The following RGS3 variants were observed in gnomAD, a reference collection of about 807,000 sequenced individuals.
The protein encoded by RGS3 is regulator of G protein signaling 3, also known as regulator of G-protein signalling 3.
In RGS3, 80 loss-of-function variants were observed where a neutral mutation model predicts 132.6. The observed-to-expected ratio is 0.60, with a 90% CI of 0.50 to 0.73. RGS3 has a LOEUF of 0.73. RGS3 is among the 30% of genes least tolerant of loss of function. The probability of loss-of-function intolerance (pLI) is 0.00; values close to 1 mark genes in which losing one functional copy is unlikely to be tolerated. For missense variants in RGS3, 1,382 were observed against 1,530.8 expected (o/e 0.90, Z 1.62); for synonymous variants, 598 against 620.6 (o/e 0.96, Z 0.54).
chr9:113,584,435 A>G lies in RGS3; in HGVS notation c.3015+8A>G, dbSNP rs1835015916. The stretch of plus-strand genomic sequence containing the variant: ...TTCACAGGACACAGGAAGGTGAGAA[A>G]GCTAAAGGGGGAGGGAGAAGGATAC... On this transcript the variant is annotated splice_region_variant and intron_variant, in intron 20 of 24. Coordinates refer to ENST00000350696, the Ensembl canonical transcript of RGS3. 6 of 1,504,612 alleles carry G rather than the reference A, an allele frequency of 4.0e-6. No homozygotes were observed. The East Asian group carries it at 1.4e-4, about 34-fold the overall frequency. 93.2% of individuals were successfully genotyped at this position (1,504,612 alleles called of 1,614,324 possible).
intron 18 of RGS3, among the ~76,000 whole-genome samples, chr9:113,532,878 C>T (rs1374151307): frequency 6.6e-6 from 1 of 152,150 alleles, no homozygotes; most frequent in African/African-American, 2.4e-5. Flanking sequence ...AAGCTGCCAG[C>T]GAACTCTGCA....
intron 10 of RGS3, 30 bp downstream of exon 8, chr9:113,498,110 C>T (rs766618095): frequency 1.9e-6 from 3 of 1,608,228 alleles, no homozygotes; most frequent in South Asian, 1.1e-5. Flanking sequence ...GGCATTGCTC[C>T]AGGAGCTGGA....
chr9:113,510,854 A>C (rs1416789457), intron 14 of RGS3, among the ~76,000 whole-genome samples: 2 of 152,204 alleles, frequency 1.3e-5, no homozygotes, highest in African/African-American at 4.8e-5. Context: ...ACCAGGGATC[A>C]AGTCTTTGTA....
intron 17 of RGS3, among the ~76,000 whole-genome samples, chr9:113,524,347 C>T (rs976575091): frequency 1.3e-5 from 2 of 152,204 alleles, no homozygotes; most frequent in African/African-American, 4.8e-5. Context: ...CCCAGACAGT[C>T]TAGGACCCCA....
At chr9:113,578,032 T>C (rs1834612664) in intron 19 of RGS3, among the ~76,000 whole-genome samples, 1 of 152,240 alleles carries the variant, frequency 6.6e-6, no homozygotes, top group Non-Finnish European at 1.5e-5. Flanking sequence ...GCATCTCAAC[T>C]CAGGAAAGCG....
At chr9:113,543,437 G>GC (rs925718268) in intron 19 of RGS3, among the ~76,000 whole-genome samples, 15 of 152,328 alleles carry the variant, frequency 9.8e-5, no homozygotes, top group African/African-American at 3.6e-4. Context: ...CCAGACCAAT[G>GC]CCCCCCACCC....
intron 4 of RGS3, among the ~76,000 whole-genome samples, chr9:113,481,327 GGT>G (rs1308605995): frequency 6.6e-6 from 1 of 152,224 alleles, no homozygotes. Context: ...GACTGGGTGT[GGT>G]TCATTGTCAC....
At chr9:113,545,759 C>T (rs1833087044) in intron 19 of RGS3, among the ~76,000 whole-genome samples, 1 of 152,190 alleles carries the variant, frequency 6.6e-6, no homozygotes, top group African/African-American at 2.4e-5. Flanking sequence ...CAGGGTCAAG[C>T]TTTTTACCTA....
rs1389468293 is a variant in RGS3, at chr9:113,537,539, C to T, written c.2037+621C>T. ...TAGGAGCTGGACCACACAGCCTTCC[C>T]CTTTGACACTCCGATGCCAGCCACA... On this transcript the variant is annotated intron_variant, in intron 19 of 24. Transcript: ENST00000350696. This position sits in a 1 kb window ranked among gnomAD's most constrained non-coding sequence, Gnocchi z 4.3. 6.6e-6 allele frequency among the ~76,000 whole-genome samples: 1 copy of T among 152,154 alleles called. No individual in the cohort carries two copies. Among genetic ancestry groups the T allele is most frequent in the Non-Finnish European group, 1.5e-5 (1 of 68,040 alleles).
At chr9:113,514,590 A>G (rs759879702) in exon 15 of RGS3, 1 of 1,614,024 alleles carries the variant, frequency 6.2e-7, no homozygotes, top group Non-Finnish European at 8.5e-7. Flanking sequence ...CATGCCACGC[A>G]CTCAAGCTAT....
chr9:113,578,216 T>C (rs1461760637), intron 19 of RGS3, among the ~76,000 whole-genome samples: 4 of 151,708 alleles, frequency 2.6e-5, no homozygotes, highest in Non-Finnish European at 4.4e-5. Context: ...GGAGAAGGGG[T>C]GAAATTCAGG....
intron 19 of RGS3, among the ~76,000 whole-genome samples, chr9:113,573,537 C>G (rs1834379348): frequency 6.6e-6 from 1 of 152,236 alleles, no homozygotes; most frequent in Admixed American, 6.5e-5. Context: ...AGGCTGACCT[C>G]ATGACTGCAG....
At chr9:113,569,587 TTCCTTCCTTCCTTCCTTCCTTCC>T (rs1834181009) in intron 19 of RGS3, among the ~76,000 whole-genome samples, 2 of 126,652 alleles carry the variant, frequency 1.6e-5, no homozygotes, top group South Asian at 2.9e-4. Context: ...CTTTCCTTCC[TTCCTTCCTTCCTTCCTTCCTTCC>T]TTCCTTCCTT....
chr9:113,553,057 C>G (rs555226242), intron 19 of RGS3, among the ~76,000 whole-genome samples: 27 of 152,052 alleles, frequency 1.8e-4, no homozygotes, highest in Non-Finnish European at 5.9e-5. Flanking sequence ...TGTGGTTCCT[C>G]CAAATTTTCC....
chr9:113,583,541 C>G, exon 20 of RGS3: 1 of 1,614,168 alleles, frequency 6.2e-7, no homozygotes, highest in African/African-American at 1.3e-5. Context: ...AGCAAGGAGC[C>G]CTCTCCTGGC....
chr9:113,463,921 CCTG>C lies in RGS3; in HGVS notation c.415+1723_415+1725del, dbSNP rs765741401. 1 of 1,606,304 alleles carries C rather than the reference CCTG, an allele frequency of 6.2e-7. No homozygotes were observed. The highest frequency in any genetic ancestry group is 8.5e-7 in the Non-Finnish European group (1 of 1,175,560). ...GGGCTGGCGGCAGGGGCTGCTTCAC[CCTG>C]CTCCCAGCGCCCAGAAACGCAGCCC... On this transcript the variant is annotated intron_variant, in intron 3 of 24. Transcript: ENST00000350696. The surrounding 1 kb of genome is among the most constrained non-coding windows in gnomAD (Gnocchi z 4.6).
In RGS3 at chr9:113,591,240, G is replaced by A; in HGVS notation, c.3016-93G>A. ...GGGGGCTTTGGGGATGGAAGGGGCT[G>A]GTGGCAGGGAATGTTGGGTCTCTGA... On this transcript the variant is annotated intron_variant, in intron 20 of 24. Coordinates refer to ENST00000350696, the Ensembl canonical transcript of RGS3. This position sits in a 1 kb window ranked among gnomAD's most constrained non-coding sequence, Gnocchi z 4.4. 1 of 1,127,396 alleles carries A rather than the reference G, an allele frequency of 8.9e-7. No individual in the cohort carries two copies. 69.8% of individuals were successfully genotyped at this position (1,127,396 alleles called of 1,614,324 possible).
In RGS3 at chr9:113,548,975, C is replaced by A. The variant is rs900289413; in HGVS notation, c.2037+12057C>A. 1.7e-4 allele frequency among the ~76,000 whole-genome samples: 26 copies of A among 152,206 alleles called. 1 individual carries two copies. The highest frequency in any genetic ancestry group is 3.7e-4 in the Non-Finnish European group (25 of 68,024). On this transcript the variant is annotated intron_variant, in intron 19 of 24. Coordinates refer to ENST00000350696, the Ensembl canonical transcript of RGS3. The stretch of plus-strand genomic sequence containing the variant: ...AGCCAGCCGGCTGTCCAGTGCCACA[C>A]CTCCTCTTGCTGGTGTCCCCTCCCT...
chr9:113,516,905 G>A (rs1334951459), intron 15 of RGS3, among the ~76,000 whole-genome samples: 2 of 152,162 alleles, frequency 1.3e-5, no homozygotes, highest in African/African-American at 4.8e-5. Context: ...GTACTTAGAA[G>A]CCATATTAGA....
Sources: allele counts gnomAD v4.1 joint callset (sites outside exome capture counted in the v4.1 genomes callset), GRCh38; gene constraint gnomAD v4.1.1; non-coding constraint Gnocchi (gnomAD v3.1); transcripts MANE v1.5; gene names NCBI Gene and HGNC (gene_info 2026-07-23, HGNC 2026-07-21).